The following PDE1B variants were observed in gnomAD, a reference collection of about 807,000 sequenced individuals.
PDE1B encodes the protein dual specificity calcium/calmodulin-dependent 3',5'-cyclic nucleotide phosphodiesterase 1B.
PDE1B carries 13 observed loss-of-function variants against 66.7 expected under a neutral mutation model. That is an observed-to-expected ratio of 0.19 (90% confidence interval 0.13 to 0.31). The LOEUF (loss-of-function observed/expected upper bound fraction) is 0.31, where lower values mean the gene tolerates loss of function less well. PDE1B is among the 10% of genes least tolerant of loss of function. PDE1B has a pLI of 1.00. For missense variants in PDE1B, 485 were observed against 682.3 expected (o/e 0.71, Z 3.22); for synonymous variants, 230 against 253.9 (o/e 0.91, Z 0.90).
intron 2 of PDE1B, among the ~76,000 whole-genome samples, chr12:54,557,813 G>A (rs1440676381): frequency 6.6e-6 from 1 of 152,148 alleles, no homozygotes; most frequent in African/African-American, 2.4e-5. Flanking sequence ...AAAATCAAAT[G>A]GTGTAGGGAG....
intron 13 of PDE1B, 130 bp downstream of exon 13, chr12:54,576,230 G>C: frequency 1.5e-6 from 1 of 681,656 alleles, no homozygotes; most frequent in South Asian, 1.6e-5. Context: ...TCAAGCTTGG[G>C]AGTCCCTCTG....
rs369771844 is a variant in PDE1B, at chr12:54,577,378, C to G, written c.*17+33C>G. ...TGTTGTGGTGGAGGGTGTAGGAGAG[C>G]TGGTGTCTATCATGGCATCTTTGTT... On this transcript the variant is annotated intron_variant, in intron 15 of 15. Coordinates refer to ENST00000243052, the MANE Select transcript of PDE1B (RefSeq NM_000924.4). 5.0e-6 allele frequency: 8 copies of G among 1,610,120 alleles called. No homozygotes were observed. In the African/African-American group the frequency reaches 1.1e-4, roughly 22 times the overall value.
At chr12:54,574,012 A>G (rs1157022044) in intron 10 of PDE1B, 1 of 376,974 alleles carries the variant, frequency 2.7e-6, no homozygotes, top group Non-Finnish European at 4.9e-6. Context: ...GGACAGGCTT[A>G]CTCTGGAATG....
intron 13 of PDE1B, 23 bp downstream of exon 13, chr12:54,576,123 G>C (rs1489046073): frequency 1.4e-6 from 2 of 1,431,684 alleles, no homozygotes; most frequent in Non-Finnish European, 2.0e-6. Flanking sequence ...GGGGTAGCCA[G>C]ATATCTTGGT....
intron 2 of PDE1B, among the ~76,000 whole-genome samples, chr12:54,562,550 GGC>G (rs1198600579): frequency 3.3e-5 from 5 of 152,320 alleles, no homozygotes; most frequent in Admixed American, 3.3e-4. Context: ...ATTCCTTGAT[GGC>G]TGAAACAGAG....
chr12:54,577,874 C>T lies in PDE1B; in HGVS notation c.*32C>T, dbSNP rs1027119540. 7 of 245,502 alleles carry T rather than the reference C, an allele frequency of 2.9e-5. No individual in the cohort carries two copies. In the Admixed American group the frequency reaches 3.6e-4, roughly 13 times the overall value. 15.2% of individuals were successfully genotyped at this position (245,502 alleles called of 1,614,324 possible). A position where few individuals can be genotyped will look rare whatever the true frequency, so the allele number is the denominator to read the frequency against. On this transcript the variant is annotated 3_prime_UTR_variant, in exon 16 of 16. Coordinates refer to ENST00000243052, the MANE Select transcript of PDE1B (RefSeq NM_000924.4). ...TCTTTCCCCAGGTCTTCATTGAGTC[C>T]AAAGTGTTTGATGTCATCAGCACCA... is the stretch of plus-strand genomic sequence containing the variant.
In PDE1B at chr12:54,569,952, G is replaced by A. The variant is rs1288948728; in HGVS notation, c.478-289G>A. On this transcript the variant is annotated intron_variant, in intron 5 of 15. Transcript: ENST00000243052. The surrounding 1 kb of genome is among the most constrained non-coding windows in gnomAD (Gnocchi z 4.4). Reference sequence around the variant, plus strand: ...TGACCTCAAGTGTTCTGCCCACCTCGGTCTCCCAAAGTATTGGGATTACAG... The same window carrying A: ...TGACCTCAAGTGTTCTGCCCACCTCAGTCTCCCAAAGTATTGGGATTACAG... Among the ~76,000 whole-genome samples, 1 of 152,076 alleles carries A rather than the reference G, an allele frequency of 6.6e-6. No homozygotes were observed. Among genetic ancestry groups the A allele is most frequent in the Admixed American group, 6.5e-5 (1 of 15,270 alleles).
rs759917933 is a variant in PDE1B, at chr12:54,575,591, T to C, written c.1226T>C (p.Leu409Pro). The C allele has an allele frequency of 6.2e-7, 1 of 1,613,380 alleles. No homozygotes were observed. Among genetic ancestry groups the C allele is most frequent in the South Asian group, 1.1e-5 (1 of 91,070 alleles). The part of the protein sequence containing the change: ...EAELGLPFSP[L>P]CDRTSTLVAQ... ...GAGTTGGGCCTGCCCTTTTCTCCAC[T>C]CTGTGACCGCACTTCCACTCTAGTG... The change falls in exon 12 of 16, where the codon CTC (leucine) becomes CCC (proline). Residue 409 changes from leucine to proline, a missense_variant. By Grantham distance (98) the Leu-to-Pro change is moderately conservative (BLOSUM62 -3). Coordinates refer to ENST00000243052, the MANE Select transcript of PDE1B (RefSeq NM_000924.4). The surrounding 1 kb of genome is among the most constrained non-coding windows in gnomAD (Gnocchi z 4.0).
intron 3 of PDE1B, 121 bp downstream of exon 3, chr12:54,567,208 G>A (rs1006425606): frequency 1.1e-5 from 6 of 538,862 alleles, no homozygotes; most frequent in African/African-American, 1.9e-5. Flanking sequence ...GAGAGAGGGT[G>A]GACCAGATAT....
chr12:54,576,230 G>A (rs1036881042), intron 13 of PDE1B, 130 bp downstream of exon 13: 1 of 681,656 alleles, frequency 1.5e-6, no homozygotes, highest in Admixed American at 2.1e-5. Flanking sequence ...TCAAGCTTGG[G>A]AGTCCCTCTG....
intron 2 of PDE1B, among the ~76,000 whole-genome samples, chr12:54,560,945 G>T (rs1051194291): frequency 6.6e-6 from 1 of 152,002 alleles, no homozygotes; most frequent in Non-Finnish European, 1.5e-5. Context: ...TGTTGAGCCC[G>T]GTCTCTGGAT....
At chr12:54,567,922 T>A (rs1444140876) in intron 3 of PDE1B, among the ~76,000 whole-genome samples, 1 of 152,140 alleles carries the variant, frequency 6.6e-6, no homozygotes, top group African/African-American at 2.4e-5. Flanking sequence ...AATGGTGTGA[T>A]CTTGGCTCAC....
chr12:54,577,000 G>A, intron 14 of PDE1B: 1 of 609,540 alleles, frequency 1.6e-6, no homozygotes, highest in Non-Finnish European at 2.9e-6. Flanking sequence ...TGGTGGCCCT[G>A]GCTGGGAAAT....
chr12:54,576,442 G>A (rs774847690), intron 13 of PDE1B, 129 bp from the exon 14 acceptor site: 44 of 1,047,808 alleles, frequency 4.2e-5, no homozygotes, highest in Non-Finnish European at 6.0e-5. Context: ...ATATCTAGTA[G>A]AGGAAAAGAG....
At chr12:54,550,385 C>G (rs1030433514) in intron 2 of PDE1B, among the ~76,000 whole-genome samples, 4 of 152,210 alleles carry the variant, frequency 2.6e-5, no homozygotes, top group Admixed American at 2.6e-4. Flanking sequence ...CATGAGTGAG[C>G]GTGGGTCACA....
At chr12:54,562,092 T>C (rs372024298) in intron 2 of PDE1B, among the ~76,000 whole-genome samples, 7 of 152,320 alleles carry the variant, frequency 4.6e-5, no homozygotes, top group South Asian at 2.1e-4. Flanking sequence ...TTCACATCAC[T>C]GTTCTTCTGC....
chr12:54,564,822 C>G (rs920562802), intron 2 of PDE1B, among the ~76,000 whole-genome samples: 1 of 152,150 alleles, frequency 6.6e-6, no homozygotes, highest in African/African-American at 2.4e-5. Flanking sequence ...GTGACTTGCT[C>G]AAAGGCTCAC....
Position 54,573,037 on chromosome 12 carries a change from G to A in PDE1B, c.736-111G>A. ...ACCTGGCTGCATTAACCAAGAGCTG[G>A]CCTGGAAGCATGGAAGGGATGGGAT... On this transcript the variant is annotated intron_variant, in intron 7 of 15. Transcript: ENST00000243052. The surrounding 1 kb of genome is among the most constrained non-coding windows in gnomAD (Gnocchi z 5.2). 1.2e-6 allele frequency: 1 copy of A among 843,246 alleles called. No individual in the cohort carries two copies. The highest frequency in any genetic ancestry group is 1.5e-5 in the South Asian group (1 of 65,954). 52.2% of individuals were successfully genotyped at this position (843,246 alleles called of 1,614,324 possible).
chr12:54,567,460 G>A (rs1195819012), intron 3 of PDE1B, among the ~76,000 whole-genome samples: 1 of 151,670 alleles, frequency 6.6e-6, no homozygotes, highest in Non-Finnish European at 1.5e-5. Context: ...CTGAGATTGC[G>A]CTGCTGCACT....
Sources: gnomAD v4.1 joint callset for allele counts (sites outside exome capture counted in the v4.1 genomes callset) on GRCh38, gnomAD v4.1.1 for gene constraint, Gnocchi (gnomAD v3.1) non-coding constraint, MANE v1.5 for transcripts, NCBI Gene and HGNC (gene_info 2026-07-23, HGNC 2026-07-21) for gene names.